Variants in PLXDC2 observed in about 807,000 individuals in gnomAD.
The protein encoded by PLXDC2 is plexin domain-containing protein 2.
PLXDC2 carries 40 observed loss-of-function variants against 68.9 expected under a neutral mutation model. That is an observed-to-expected ratio of 0.58 (90% CI 0.45 to 0.76). The LOEUF (loss-of-function observed/expected upper bound fraction) is 0.76. Among genes scored for constraint, PLXDC2 ranks in the 30% least tolerant of loss-of-function variants. The probability of loss-of-function intolerance (pLI) is 0.00; values close to 1 mark genes in which losing one functional copy is unlikely to be tolerated. For synonymous variants in PLXDC2, 243 were observed against 234.2 expected (o/e 1.04, Z -0.34); for missense variants, 644 against 661.9 (o/e 0.97, Z 0.30).
In PLXDC2 at chr10:20,217,348, G is replaced by A. The variant is rs142305280; in HGVS notation, c.1123-78G>A. 359 of 1,340,892 alleles carry A rather than the reference G, an allele frequency of 2.7e-4. 2 individuals are homozygous for A. In the African/African-American group the frequency reaches 3.7e-3, roughly 14 times the overall value. The allele number at this position is 1,340,892 out of a possible 1,614,324, so 83.1% of individuals were successfully genotyped here. On this transcript the variant is annotated intron_variant, in intron 10 of 13. Coordinates refer to ENST00000377252, the MANE Select transcript of PLXDC2 (RefSeq NM_032812.9). Reference sequence around the variant, plus strand: ...ATATGAGAGGCTTTTGTGCTTTACAGCCCAGCTTCTTTGATGTAAGTTCTA... The same window carrying A: ...ATATGAGAGGCTTTTGTGCTTTACAACCCAGCTTCTTTGATGTAAGTTCTA...
chr10:20,241,324 C>T (rs902291983), intron 12 of PLXDC2, among the ~76,000 whole-genome samples: 1 of 152,158 alleles, frequency 6.6e-6, no homozygotes, highest in Admixed American at 6.5e-5. Context: ...AATTTTATTT[C>T]TGACAAGGAC....
At chr10:19,883,004 TG>T (rs1240343064) in intron 1 of PLXDC2, among the ~76,000 whole-genome samples, 1 of 150,140 alleles carries the variant, frequency 6.7e-6, no homozygotes, top group Non-Finnish European at 1.5e-5. Context: ...TCGCCCAGGC[TG>T]GAGTGCAGTG....
At chr10:20,237,000 G>A (rs74119559) in intron 12 of PLXDC2, among the ~76,000 whole-genome samples, 1 of 134,702 alleles carries the variant, frequency 7.4e-6, no homozygotes, top group Admixed American at 7.3e-5. Flanking sequence ...ATGAGTTGTT[G>A]TTTTTTTTTT....
At chr10:20,180,612 T>G (rs2131829193) in intron 9 of PLXDC2, among the ~76,000 whole-genome samples, 1 of 152,218 alleles carries the variant, frequency 6.6e-6, no homozygotes, top group South Asian at 2.1e-4. Flanking sequence ...TATCCCTGAA[T>G]GATAATCGGT....
chr10:19,869,483 A>AGGG (rs1837492156), intron 1 of PLXDC2, among the ~76,000 whole-genome samples: 3 of 8,322 alleles, frequency 3.6e-4, no homozygotes, highest in Non-Finnish European at 4.3e-4. Flanking sequence ...GGGGGGGGAG[A>AGGG]GGGTGGGAGG....
intron 5 of PLXDC2, 34 bp from the exon 6 acceptor site, chr10:20,147,750 C>T (rs770480464): frequency 1.5e-6 from 2 of 1,322,432 alleles, no homozygotes; most frequent in South Asian, 1.3e-5. Flanking sequence ...ATGTTTTTCT[C>T]ATTGCATTTC....
At chr10:20,253,002 C>A in intron 13 of PLXDC2, among the ~76,000 whole-genome samples, 1 of 151,600 alleles carries the variant, frequency 6.6e-6, no homozygotes, top group South Asian at 2.1e-4. Flanking sequence ...TTATGGAGCT[C>A]TAGATACAGA....
intron 10 of PLXDC2, among the ~76,000 whole-genome samples, chr10:20,212,772 A>G (rs1835086287): frequency 6.6e-6 from 1 of 152,132 alleles, no homozygotes; most frequent in Non-Finnish European, 1.5e-5. Context: ...ACCTTTTGGC[A>G]TTTCATTTAG....
intron 1 of PLXDC2, among the ~76,000 whole-genome samples, chr10:19,973,298 A>G (rs1052586193): frequency 4.9e-5 from 3 of 61,692 alleles, no homozygotes; most frequent in East Asian, 7.0e-4. Context: ...ATATATATGT[A>G]TATATATATA....
intron 1 of PLXDC2, among the ~76,000 whole-genome samples, chr10:19,944,930 C>A (rs1329528508): frequency 6.6e-6 from 1 of 152,110 alleles, no homozygotes; most frequent in Non-Finnish European, 1.5e-5. Flanking sequence ...CCAGCCGGGG[C>A]AACAAGAGCG....
intron 9 of PLXDC2, among the ~76,000 whole-genome samples, chr10:20,185,160 GAAAAAAAAAAAAAAAA>G (rs11307851): frequency 1.8e-5 from 1 of 55,992 alleles, no homozygotes; most frequent in African/African-American, 7.2e-5. Flanking sequence ...GAACTGAAAG[GAAAAAAAAAAAAAAAA>G]AAAAAAAAAA....
At chr10:20,255,800 T>A (rs1158059272) in intron 13 of PLXDC2, among the ~76,000 whole-genome samples, 1 of 152,090 alleles carries the variant, frequency 6.6e-6, no homozygotes, top group Non-Finnish European at 1.5e-5. Flanking sequence ...TCGTGCTTTT[T>A]GTTATTTTAT....
At chr10:19,934,511 T>C (rs1833691547) in intron 1 of PLXDC2, among the ~76,000 whole-genome samples, 1 of 152,202 alleles carries the variant, frequency 6.6e-6, no homozygotes, top group Admixed American at 6.5e-5. Context: ...GGTTTCCTAT[T>C]GCGATCATTA....
intron 4 of PLXDC2, among the ~76,000 whole-genome samples, chr10:20,096,207 T>C (rs1833347324): frequency 6.6e-6 from 1 of 152,200 alleles, no homozygotes; most frequent in Non-Finnish European, 1.5e-5. Context: ...ATTAGTATCT[T>C]GTGCATAACG....
At chr10:19,912,968 A>G (rs1833300912) in intron 1 of PLXDC2, among the ~76,000 whole-genome samples, 1 of 152,210 alleles carries the variant, frequency 6.6e-6, no homozygotes, top group Non-Finnish European at 1.5e-5. Flanking sequence ...TGAAAAATAC[A>G]GCTGAAAGAC....
chr10:19,874,580 G>A (rs1025960077), intron 1 of PLXDC2, among the ~76,000 whole-genome samples: 1 of 152,188 alleles, frequency 6.6e-6, no homozygotes, highest in African/African-American at 2.4e-5. Flanking sequence ...AAAGCACTTA[G>A]AATATAAGGT....
chr10:20,131,647 G>T (rs988592920), intron 4 of PLXDC2, among the ~76,000 whole-genome samples: 2 of 152,112 alleles, frequency 1.3e-5, no homozygotes, highest in South Asian at 4.1e-4. Context: ...TGATCCACCT[G>T]CCTCAGCCTC....
intron 1 of PLXDC2, among the ~76,000 whole-genome samples, chr10:19,954,758 A>G (rs1411992600): frequency 6.6e-6 from 1 of 152,230 alleles, no homozygotes; most frequent in East Asian, 1.9e-4. Context: ...AACTGGTTAG[A>G]TGGAATTGGA....
intron 4 of PLXDC2, among the ~76,000 whole-genome samples, chr10:20,119,004 T>C (rs1177078283): frequency 6.6e-6 from 1 of 151,954 alleles, no homozygotes; most frequent in African/African-American, 2.4e-5. Flanking sequence ...TAAATATTGC[T>C]TGAAGGTAAA....
Sources: allele counts gnomAD v4.1 joint callset (sites outside exome capture counted in the v4.1 genomes callset), GRCh38; gene constraint gnomAD v4.1.1; transcripts MANE v1.5; gene names NCBI Gene and HGNC (gene_info 2026-07-23, HGNC 2026-07-21).